Variants in GALNT14 observed in about 807,000 individuals in gnomAD.
The protein encoded by GALNT14 is UDP-GalNAc:polypeptide N-acetylgalactosaminyltransferase 14.
GALNT14 carries 60 observed loss-of-function variants against 77.5 expected under a neutral mutation model. That is an observed-to-expected ratio of 0.77 (90% CI 0.63 to 0.96). The LOEUF (loss-of-function observed/expected upper bound fraction) is 0.96. Ranked by LOEUF, GALNT14 falls within the 40% of genes least tolerant of loss-of-function variation. GALNT14 has a pLI of 0.00. For synonymous variants in GALNT14, 280 were observed against 281.7 expected, an observed-to-expected ratio of 0.99 and a Z score of 0.06; for missense variants, 710 against 731.0, an observed-to-expected ratio of 0.97 and a Z score of 0.33.
At chr2:30,924,606 A>G in intron 12 of GALNT14, 134 bp downstream of exon 12, 4 of 691,328 alleles carry the variant, frequency 5.8e-6, no homozygotes, top group Non-Finnish European at 1.0e-5. Context: ...GAACGGAGCC[A>G]ACTGGTCTTC....
At chr2:31,109,820 G>A (rs1677746992) in intron 1 of GALNT14, among the ~76,000 whole-genome samples, 1 of 152,266 alleles carries the variant, frequency 6.6e-6, no homozygotes, top group Non-Finnish European at 1.5e-5. Flanking sequence ...AGCGCGCCAG[G>A]ACAAGATGAG....
chr2:31,017,588 A>G (rs1671455724), intron 1 of GALNT14, among the ~76,000 whole-genome samples: 1 of 152,096 alleles, frequency 6.6e-6, no homozygotes, highest in South Asian at 2.1e-4. Context: ...GTCAGACAGG[A>G]GCAAAATCTG....
chr2:30,982,254 C>G (rs931731194), intron 2 of GALNT14, among the ~76,000 whole-genome samples: 1 of 152,124 alleles, frequency 6.6e-6, no homozygotes, highest in Non-Finnish European at 1.5e-5. Context: ...CTTGGTGCAA[C>G]AGGGACTCTG....
chr2:31,025,586 G>T (rs1467983740), intron 1 of GALNT14, among the ~76,000 whole-genome samples: 2 of 152,192 alleles, frequency 1.3e-5, no homozygotes, highest in Non-Finnish European at 2.9e-5. Context: ...CCAGATACAG[G>T]TGGAAGGAGG....
intron 1 of GALNT14, among the ~76,000 whole-genome samples, chr2:31,035,491 T>C (rs1239549438): frequency 6.6e-6 from 1 of 151,272 alleles, no homozygotes; most frequent in African/African-American, 2.4e-5. Context: ...CTCAAGTGTG[T>C]CTCCCAATAG....
chr2:31,097,789 G>A (rs1677075697), intron 1 of GALNT14, among the ~76,000 whole-genome samples: 1 of 152,094 alleles, frequency 6.6e-6, no homozygotes, highest in Non-Finnish European at 1.5e-5. Context: ...GAGCAAGACT[G>A]TACTGACTGG....
chr2:31,035,835 A>G (rs1484979078), intron 1 of GALNT14, among the ~76,000 whole-genome samples: 1 of 152,078 alleles, frequency 6.6e-6, no homozygotes, highest in Non-Finnish European at 1.5e-5. Context: ...CTAGAGGGTA[A>G]CAATAGACAC....
At chr2:31,123,220 G>A (rs1235656551) in intron 1 of GALNT14, among the ~76,000 whole-genome samples, 2 of 151,148 alleles carry the variant, frequency 1.3e-5, no homozygotes, top group African/African-American at 4.9e-5. Flanking sequence ...ATGGACCATG[G>A]AGTCTGAATT....
rs1036406538 is a variant in GALNT14, at chr2:31,138,070, C to G, written c.17G>C (p.Arg6Pro). 2 of 1,613,764 alleles carry G rather than the reference C, an allele frequency of 1.2e-6. No individual in the cohort carries two copies. Among genetic ancestry groups the G allele is most frequent in the Non-Finnish European group, 1.7e-6 (2 of 1,179,780 alleles). ...CCCGAAGACTGGCAGAACCAGCCGACGAGTCAGGCGCCGCATGGTCCCCTT... is the reference window on the plus strand; with the variant it reads ...CCCGAAGACTGGCAGAACCAGCCGAGGAGTCAGGCGCCGCATGGTCCCCTT... MRRLT[R>P]RLVLPVFGVL... Residue 6 changes from arginine (R) to proline (P), a missense_variant, in exon 1 of 15, where the codon CGT (arginine) becomes CCT (proline). Transcript: ENST00000349752.
intron 1 of GALNT14, chr2:31,132,685 G>C (rs1415814805): frequency 4.2e-6 from 2 of 471,026 alleles, no homozygotes; most frequent in Admixed American, 4.7e-5. Context: ...AATCCTGGGT[G>C]TAGGCTGCAC....
intron 4 of GALNT14, among the ~76,000 whole-genome samples, chr2:30,957,314 C>A (rs1370007075): frequency 6.6e-6 from 1 of 152,006 alleles, no homozygotes; most frequent in African/African-American, 2.4e-5. Flanking sequence ...GATTATTTGC[C>A]CAAGGCACAT....
At chr2:31,079,270 C>A (rs1378863662) in intron 1 of GALNT14, among the ~76,000 whole-genome samples, 1 of 152,100 alleles carries the variant, frequency 6.6e-6, no homozygotes, top group African/African-American at 2.4e-5. Context: ...TCCATTCACT[C>A]GCTGTATGGC....
intron 1 of GALNT14, among the ~76,000 whole-genome samples, chr2:31,137,467 C>T (rs370847292): frequency 3.9e-5 from 6 of 152,210 alleles, no homozygotes; most frequent in Non-Finnish European, 8.8e-5. Flanking sequence ...GCCCGGGAGG[C>T]TGCAAGGCGC....
intron 2 of GALNT14, among the ~76,000 whole-genome samples, chr2:30,983,470 C>T (rs1573089974): frequency 6.6e-6 from 1 of 152,186 alleles, no homozygotes; most frequent in Non-Finnish European, 1.5e-5. Flanking sequence ...TCTCTTTCCC[C>T]TGCCTCATTC....
chr2:30,905,198 A>G, the GALNT14 span, among the ~76,000 whole-genome samples: 2 of 152,212 alleles, frequency 1.3e-5, no homozygotes, highest in African/African-American at 4.8e-5. Flanking sequence ...GCAACAGAAC[A>G]AAGCTGGATG....
chr2:31,110,570 G>A (rs1035212386), intron 1 of GALNT14, among the ~76,000 whole-genome samples: 1 of 152,114 alleles, frequency 6.6e-6, no homozygotes, highest in Non-Finnish European at 1.5e-5. Flanking sequence ...GCAGCAAATG[G>A]GCGAGATGTC....
At chr2:30,903,488 G>A in the GALNT14 span, among the ~76,000 whole-genome samples, 41 of 152,374 alleles carry the variant, frequency 2.7e-4, no homozygotes, top group African/African-American at 9.6e-4. Flanking sequence ...TTACTTGCCT[G>A]GGTGAAGCAA....
intron 1 of GALNT14, among the ~76,000 whole-genome samples, chr2:31,087,760 A>G (rs996771921): frequency 3.9e-5 from 6 of 152,214 alleles, no homozygotes; most frequent in Admixed American, 1.3e-4. Flanking sequence ...GGATTTGGCA[A>G]TACAGATGAT....
chr2:30,974,618 C>A (rs1668535040), intron 2 of GALNT14, among the ~76,000 whole-genome samples: 1 of 152,230 alleles, frequency 6.6e-6, no homozygotes, highest in South Asian at 2.1e-4. Context: ...CTTCCAACGC[C>A]AGGCTATTTT....
Sources: gnomAD v4.1 joint callset for allele counts (sites outside exome capture counted in the v4.1 genomes callset) on GRCh38, gnomAD v4.1.1 for gene constraint, MANE v1.5 for transcripts, NCBI Gene and HGNC (gene_info 2026-07-23, HGNC 2026-07-21) for gene names.